The following C1orf87 variants were observed in gnomAD, a reference collection of about 807,000 sequenced individuals.
C1orf87 encodes the protein chromosome 1 open reading frame 87.
Under a neutral mutation model 60.5 loss-of-function variants are expected in C1orf87, and 58 were observed. That is an observed-to-expected ratio of 0.96 (90% confidence interval 0.78 to 1.19). C1orf87 has a LOEUF of 1.19. Ranked by LOEUF, C1orf87 falls within the 50% of genes most tolerant of loss-of-function variation. The pLI is 0.00. For missense variants in C1orf87, 673 were observed against 638.6 expected (o/e 1.05, Z -0.58); for synonymous variants, 236 against 227.4 (o/e 1.04, Z -0.34).
chr1:60,063,881 C>A (rs547930126), intron 2 of C1orf87, among the ~76,000 whole-genome samples: 1 of 151,892 alleles, frequency 6.6e-6, no homozygotes, highest in African/African-American at 2.4e-5. Flanking sequence ...AGTGTCAACT[C>A]GATAGGATTG....
intron 11 of C1orf87, among the ~76,000 whole-genome samples, chr1:59,992,190 G>T (rs2100228749): frequency 6.6e-6 from 1 of 151,986 alleles, no homozygotes. Context: ...GTACGTTATG[G>T]AATGAGGGAA....
intron 2 of C1orf87, among the ~76,000 whole-genome samples, chr1:60,059,706 C>T (rs984728375): frequency 8.5e-5 from 13 of 152,104 alleles, no homozygotes; most frequent in African/African-American, 3.1e-4. Context: ...AAATGAAGGA[C>T]CCAGGGGGCT....
chr1:60,046,910 A>T (rs1645376076), intron 3 of C1orf87, among the ~76,000 whole-genome samples: 1 of 152,248 alleles, frequency 6.6e-6, no homozygotes, highest in Non-Finnish European at 1.5e-5. Context: ...GTAAAATAGT[A>T]GTTAAATCTA....
chr1:60,057,746 CG>C (rs1645467296), intron 2 of C1orf87, among the ~76,000 whole-genome samples: 1 of 152,014 alleles, frequency 6.6e-6, no homozygotes, highest in Non-Finnish European at 1.5e-5. Flanking sequence ...TGGGTCTCAT[CG>C]GGGAAATGAT....
At chr1:60,042,495 G>T (rs891366086) in intron 3 of C1orf87, among the ~76,000 whole-genome samples, 1 of 152,208 alleles carries the variant, frequency 6.6e-6, no homozygotes, top group African/African-American at 2.4e-5. Flanking sequence ...TTATAGTCAT[G>T]AACATTTTAA....
intron 8 of C1orf87, among the ~76,000 whole-genome samples, chr1:60,020,991 T>TG (rs1645159132): frequency 6.6e-6 from 1 of 152,124 alleles, no homozygotes; most frequent in African/African-American, 2.4e-5. Context: ...CTTGTGATGG[T>TG]GAGTGAATTC....
intron 6 of C1orf87, among the ~76,000 whole-genome samples, chr1:60,037,452 T>A (rs1368912456): frequency 1.3e-5 from 2 of 152,310 alleles, no homozygotes; most frequent in Admixed American, 6.5e-5. Flanking sequence ...GTGGCAGGCA[T>A]CTTGAAAGGG....
In C1orf87 at chr1:60,008,460, T is replaced by G. The variant is rs569960557; in HGVS notation, c.1192+1932A>C. Among the ~76,000 whole-genome samples the G allele has an allele frequency of 2.6e-5, 4 of 152,112 alleles. No homozygotes were observed. In the South Asian group the frequency reaches 8.3e-4, roughly 32 times the overall value. ...CCAAATTTATATGTTGAATCCCTAA[T>G]CTCAAAATCTGACTGTATTTGGAGG... On this transcript the variant is annotated intron_variant, in intron 9 of 11. Coordinates refer to ENST00000371201, the MANE Select transcript of C1orf87 (RefSeq NM_152377.3).
chr1:59,996,483 A>G (rs192505964), intron 11 of C1orf87, among the ~76,000 whole-genome samples: 8 of 152,296 alleles, frequency 5.3e-5, no homozygotes, highest in East Asian at 1.9e-4. Flanking sequence ...TGCTCTCATT[A>G]TCTTTGAATT....
chr1:60,045,133 G>T (rs1191895625), intron 3 of C1orf87, among the ~76,000 whole-genome samples: 2 of 152,108 alleles, frequency 1.3e-5, no homozygotes, highest in African/African-American at 4.8e-5. Context: ...CTGTGGTTTG[G>T]GAGAAAATTT....
chr1:60,034,461 A>G (rs1338449214), intron 6 of C1orf87, among the ~76,000 whole-genome samples: 1 of 152,202 alleles, frequency 6.6e-6, no homozygotes, highest in Non-Finnish European at 1.5e-5. Context: ...CTAGAGGGAC[A>G]GTCCATGACA....
At position 60,072,556 on chromosome 1, in the gene C1orf87, G is replaced by T; in HGVS notation, c.88C>A (p.Leu30Ile). The T allele has an allele frequency of 6.2e-7, 1 of 1,610,846 alleles. No homozygotes were observed. Among genetic ancestry groups the T allele is most frequent in the Non-Finnish European group, 8.5e-7 (1 of 1,178,756 alleles). Residue 30 changes from leucine to isoleucine, a missense_variant, in exon 2 of 12, where the codon CTC (leucine) becomes ATC (isoleucine). Coordinates refer to ENST00000371201, the MANE Select transcript of C1orf87 (RefSeq NM_152377.3). ...ACTTACATCTTTGGCTTCTCCACGA[G>T]GTATTGAAAGTGTTTACTTCCAATG... ...KIIGSKHFQY[L>I]VEKPKIKEND...
chr1:60,036,561 T>C (rs961941649), intron 6 of C1orf87, among the ~76,000 whole-genome samples: 14 of 152,170 alleles, frequency 9.2e-5, no homozygotes, highest in Non-Finnish European at 2.9e-5. Context: ...TCAGTTACTA[T>C]TACAAATCAG....
At chr1:60,047,883 A>G (rs1645384602) in intron 3 of C1orf87, among the ~76,000 whole-genome samples, 1 of 152,132 alleles carries the variant, frequency 6.6e-6, no homozygotes, top group African/African-American at 2.4e-5. Flanking sequence ...TAAATATTCC[A>G]CTAGGGATAT....
chr1:60,050,032 G>T (rs1348449361), intron 3 of C1orf87, among the ~76,000 whole-genome samples: 1 of 151,918 alleles, frequency 6.6e-6, no homozygotes. Flanking sequence ...ATCTGGTAAT[G>T]GTATCTTACC....
chr1:60,071,534 A>G (rs1315580896), intron 2 of C1orf87, among the ~76,000 whole-genome samples: 1 of 152,228 alleles, frequency 6.6e-6, no homozygotes, highest in East Asian at 1.9e-4. Flanking sequence ...TGATTATAGC[A>G]GTCACTTTGG....
intron 2 of C1orf87, among the ~76,000 whole-genome samples, chr1:60,061,248 G>A (rs1327862227): frequency 6.6e-6 from 1 of 152,140 alleles, no homozygotes; most frequent in Admixed American, 6.5e-5. Flanking sequence ...CAAAATCTTA[G>A]CTGGCGAAAC....
At chr1:60,025,318 T>A (rs952329510) in intron 8 of C1orf87, 83 bp downstream of exon 8, 9 of 1,107,266 alleles carry the variant, frequency 8.1e-6, no homozygotes, top group Non-Finnish European at 1.2e-5. Context: ...AAAACCATCA[T>A]ATTTGAAGTT....
At chr1:60,002,709 T>C in intron 9 of C1orf87, among the ~76,000 whole-genome samples, 1 of 152,106 alleles carries the variant, frequency 6.6e-6, no homozygotes, top group Non-Finnish European at 1.5e-5. Context: ...TCCTTGCCCG[T>C]GCCTATGTCC....
Sources: gnomAD v4.1 joint callset for allele counts (sites outside exome capture counted in the v4.1 genomes callset) on GRCh38, gnomAD v4.1.1 for gene constraint, MANE v1.5 for transcripts, NCBI Gene and HGNC (gene_info 2026-07-23, HGNC 2026-07-21) for gene names.